The following DLGAP2 variants were observed in gnomAD, a reference collection of about 807,000 sequenced individuals.
The protein encoded by DLGAP2 is DLG associated protein 2, also known as disks large-associated protein 2.
A neutral mutation model predicts 100.3 loss-of-function variants in DLGAP2; 26 were observed. The observed-to-expected ratio is 0.26, with a 90% CI of 0.19 to 0.36. DLGAP2 has a LOEUF of 0.36. Ranked by LOEUF, DLGAP2 falls within the 10% of genes least tolerant of loss-of-function variation. The pLI is 1.00. For synonymous variants in DLGAP2, 886 were observed against 630.1 expected, an observed-to-expected ratio of 1.41 and a Z score of -6.08; for missense variants, 1,858 against 1,453.2, an observed-to-expected ratio of 1.28 and a Z score of -4.53.
chr8:1,330,051 T>A (rs1801113282), intron 3 of DLGAP2, among the ~76,000 whole-genome samples: 1 of 152,204 alleles, frequency 6.6e-6, no homozygotes, highest in Non-Finnish European at 1.5e-5. Flanking sequence ...TTTGCTCCAT[T>A]TCCCATGTTT....
intron 4 of DLGAP2, among the ~76,000 whole-genome samples, chr8:1,518,546 G>T (rs973404869): frequency 3.9e-5 from 6 of 152,192 alleles, no homozygotes; most frequent in Admixed American, 2.0e-4. Context: ...TTTAGATGAA[G>T]AAATTGAGTC....
At chr8:800,972 C>A (rs1024496717) in intron 1 of DLGAP2, among the ~76,000 whole-genome samples, 1 of 152,104 alleles carries the variant, frequency 6.6e-6, no homozygotes, top group Non-Finnish European at 1.5e-5. Context: ...CCTGGGTCCC[C>A]ATCCACCTGC....
intron 2 of DLGAP2, among the ~76,000 whole-genome samples, chr8:1,146,168 C>T (rs1796602527): frequency 6.6e-6 from 1 of 152,202 alleles, no homozygotes; most frequent in Non-Finnish European, 1.5e-5. Context: ...AGCCTCTCCA[C>T]AGGAGCCCCT....
intron 3 of DLGAP2, among the ~76,000 whole-genome samples, chr8:1,308,303 T>A (rs1189823047): frequency 6.6e-6 from 1 of 152,186 alleles, no homozygotes; most frequent in Non-Finnish European, 1.5e-5. Flanking sequence ...GAGACTCCAG[T>A]GACTGCACAC....
intron 3 of DLGAP2, among the ~76,000 whole-genome samples, chr8:1,481,105 G>T (rs184150726): frequency 6.6e-6 from 1 of 152,224 alleles, no homozygotes; most frequent in Admixed American, 6.5e-5. Context: ...CTGGGAGGCG[G>T]AGCTTGCAGT....
intron 5 of DLGAP2, among the ~76,000 whole-genome samples, chr8:1,562,034 T>TC (rs1554498133): frequency 4.9e-5 from 1 of 20,268 alleles, no homozygotes; most frequent in Non-Finnish European, 9.3e-5. Flanking sequence ...TGTGTGGTGT[T>TC]GGGTGTCCGC....
chr8:1,676,617 C>A lies in DLGAP2; in HGVS notation c.2287C>A (p.Arg763=). 1.2e-6 allele frequency: 2 copies of A among 1,611,502 alleles called. No individual in the cohort carries two copies. The highest frequency in any genetic ancestry group is 8.5e-7 in the Non-Finnish European group (1 of 1,178,906). ...SVGVQVEDEK[R]HGRFKRSNSV... ...CGGGGTGCAAGTGGAAGATGAGAAGCGGTAACTCAGCCCCTCCTGACACGC... is the reference window on the plus strand; with the variant it reads ...CGGGGTGCAAGTGGAAGATGAGAAGAGGTAACTCAGCCCCTCCTGACACGC... The change falls in exon 11 of 15, where the codon CGA becomes AGA. Residue 763 remains arginine (R), a splice_region_variant and synonymous_variant. Transcript: ENST00000637795.
chr8:940,370 G>A (rs1471317936), intron 2 of DLGAP2, among the ~76,000 whole-genome samples: 2 of 151,860 alleles, frequency 1.3e-5, no homozygotes, highest in South Asian at 2.1e-4. Flanking sequence ...GAGAGAGAGA[G>A]AGGGAGAGGG....
chr8:805,864 C>T (rs1247043211), intron 1 of DLGAP2, among the ~76,000 whole-genome samples: 1 of 152,194 alleles, frequency 6.6e-6, no homozygotes, highest in Non-Finnish European at 1.5e-5. Flanking sequence ...ATGTCCCGTA[C>T]ACGTCTTGTT....
intron 2 of DLGAP2, among the ~76,000 whole-genome samples, chr8:1,065,303 G>A (rs553765687): frequency 2.9e-4 from 44 of 152,300 alleles, no homozygotes; most frequent in African/African-American, 9.9e-4. Context: ...ATAACAACTG[G>A]CAGTAAAATT....
chr8:783,330 G>T (rs935208933), intron 1 of DLGAP2, among the ~76,000 whole-genome samples: 2 of 152,190 alleles, frequency 1.3e-5, no homozygotes, highest in African/African-American at 4.8e-5. Flanking sequence ...AAATTAAAAT[G>T]CATGGTAACA....
intron 5 of DLGAP2, among the ~76,000 whole-genome samples, chr8:1,562,649 G>A (rs566516670): frequency 1.8e-3 from 60 of 33,598 alleles, no homozygotes; most frequent in Admixed American, 2.1e-3. Flanking sequence ...GCGCCTCGTT[G>A]CTGGGGGACT....
intron 2 of DLGAP2, among the ~76,000 whole-genome samples, chr8:1,103,053 C>A (rs1471635616): frequency 6.6e-6 from 1 of 151,440 alleles, no homozygotes; most frequent in Non-Finnish European, 1.5e-5. Flanking sequence ...TCTCTGGAGT[C>A]TCTGTGGTTT....
intron 2 of DLGAP2, among the ~76,000 whole-genome samples, chr8:972,910 A>T (rs1205894700): frequency 6.6e-6 from 1 of 152,178 alleles, no homozygotes. Context: ...GACACAGCAG[A>T]TGTTTCAGAG....
chr8:910,078 G>A (rs1014479722), intron 2 of DLGAP2, among the ~76,000 whole-genome samples: 4 of 152,154 alleles, frequency 2.6e-5, no homozygotes, highest in Non-Finnish European at 4.4e-5. Context: ...AAGACGAAAC[G>A]AGTTCTGCAG....
intron 2 of DLGAP2, among the ~76,000 whole-genome samples, chr8:1,107,574 T>C (rs1804818774): frequency 6.6e-6 from 1 of 152,060 alleles, no homozygotes; most frequent in African/African-American, 2.4e-5. Context: ...AATTCCAGGG[T>C]GGAAACACGG....
chr8:1,193,742 G>T (rs1002867149), intron 2 of DLGAP2, among the ~76,000 whole-genome samples: 1 of 151,980 alleles, frequency 6.6e-6, no homozygotes, highest in Non-Finnish European at 1.5e-5. Context: ...ATCCGGGTTG[G>T]GGGTCCTGTG....
At chr8:1,574,006 C>A (rs1458190747) in intron 6 of DLGAP2, among the ~76,000 whole-genome samples, 1 of 152,168 alleles carries the variant, frequency 6.6e-6, no homozygotes, top group Non-Finnish European at 1.5e-5. Flanking sequence ...ATTCTGGGAG[C>A]TCCAGGCTTG....
At chr8:1,151,714 C>T (rs1316855833) in intron 2 of DLGAP2, among the ~76,000 whole-genome samples, 3 of 152,138 alleles carry the variant, frequency 2.0e-5, no homozygotes, top group Non-Finnish European at 1.5e-5. Context: ...CCAAAGAGGC[C>T]GATTGTCAGG....
Sources: allele counts gnomAD v4.1 joint callset (sites outside exome capture counted in the v4.1 genomes callset), GRCh38; gene constraint gnomAD v4.1.1; transcripts MANE v1.5; gene names NCBI Gene and HGNC (gene_info 2026-07-23, HGNC 2026-07-21).